PRKDC: variants seen among roughly 807,000 people sequenced by gnomAD.
The protein encoded by PRKDC is DNA-dependent protein kinase catalytic subunit.
PRKDC carries 82 observed loss-of-function variants against 486.9 expected under a neutral mutation model. The ratio of observed to expected loss-of-function variants is 0.17; its 90% CI spans 0.14 to 0.20. The LOEUF (loss-of-function observed/expected upper bound fraction) is 0.20. Ranked by LOEUF, PRKDC falls within the 10% of genes least tolerant of loss-of-function variation. PRKDC has a pLI of 1.00. For missense variants in PRKDC, 4,504 were observed against 5,038.2 expected, an observed-to-expected ratio of 0.89 and a Z score of 3.21; for synonymous variants, 1,895 against 1,837.0, an observed-to-expected ratio of 1.03 and a Z score of -0.81.
chr8:47,941,095 ACTCC>A lies in PRKDC; in HGVS notation c.967-1402_967-1399del, dbSNP rs1386484327. Among the ~76,000 whole-genome samples the A allele has an allele frequency of 1.1e-4, 17 of 151,218 alleles. No homozygotes were observed. In the East Asian group the frequency reaches 3.3e-3, roughly 29 times the overall value. On this transcript the variant is annotated intron_variant, in intron 10 of 85. Coordinates refer to ENST00000314191, the MANE Select transcript of PRKDC (RefSeq NM_006904.7). Reference sequence around the variant, plus strand: ...CAGTAACCCAAGCTTGCGCTACTGCACTCCAGCCTGGGTGACAGAGCAAAACTCC... The same window carrying A: ...CAGTAACCCAAGCTTGCGCTACTGCAAGCCTGGGTGACAGAGCAAAACTCC...
chr8:47,882,229 CA>C, intron 36 of PRKDC, 132 bp from the exon 37 acceptor site: 1 of 841,972 alleles, frequency 1.2e-6, no homozygotes, highest in South Asian at 1.9e-5. Flanking sequence ...TTATCTACTT[CA>C]AAACTCCTCG....
At chr8:47,936,284 G>T (rs1405807378) in intron 12 of PRKDC, 69 bp downstream of exon 12, 1 of 1,486,190 alleles carries the variant, frequency 6.7e-7, no homozygotes, top group Non-Finnish European at 9.1e-7. Flanking sequence ...TGTATTGTAT[G>T]ACTCCATCAA....
chr8:47,779,173 T>G, intron 80 of PRKDC, 80 bp from the exon 81 acceptor site: 1 of 1,056,776 alleles, frequency 9.5e-7, no homozygotes, highest in Non-Finnish European at 1.4e-6. Context: ...CACCAAGAAT[T>G]CATTGAAAAA....
At chr8:47,906,382 C>T (rs561645762) in intron 25 of PRKDC, among the ~76,000 whole-genome samples, 40 of 151,608 alleles carry the variant, frequency 2.6e-4, no homozygotes, top group African/African-American at 9.2e-4. Flanking sequence ...CGATGTAATC[C>T]CAGCACTTTG....
Position 47,944,048 on chromosome 8 carries a change from G to A in PRKDC, c.722-19C>T. On this transcript the variant is annotated intron_variant, in intron 7 of 85. Transcript: ENST00000314191. The stretch of plus-strand genomic sequence containing the variant: ...TGGGGATCTAGGGAAATACCAAGAA[G>A]CCTGTTACAAATCGTAATAACAGTA... 1 of 1,547,378 alleles carries A rather than the reference G, an allele frequency of 6.5e-7. No homozygotes were observed. The highest frequency in any genetic ancestry group is 8.8e-7 in the Non-Finnish European group (1 of 1,140,682).
intron 31 of PRKDC, among the ~76,000 whole-genome samples, chr8:47,891,216 G>C (rs1489220338): frequency 6.6e-6 from 1 of 152,150 alleles, no homozygotes. Context: ...CCTTTAGAGT[G>C]CCAAGGGACA....
In PRKDC at chr8:47,830,828, C is replaced by A; in HGVS notation, c.8266-92G>T. The A allele has an allele frequency of 2.0e-6, 3 of 1,521,300 alleles. No homozygotes were observed. In the Admixed American group the frequency reaches 5.1e-5, roughly 26 times the overall value. The allele number at this position is 1,521,300 out of a possible 1,614,324, so 94.2% of individuals were successfully genotyped here. ...TATGAGGCTGCCAGGATCCCCTGAA[C>A]CATGAGGGCGAAGTGGTGGGAACTG... is the stretch of plus-strand genomic sequence containing the variant. On this transcript the variant is annotated intron_variant, in intron 60 of 85. Coordinates refer to ENST00000314191, the MANE Select transcript of PRKDC (RefSeq NM_006904.7).
chr8:47,916,120 A>G (rs1043652653), intron 22 of PRKDC, among the ~76,000 whole-genome samples: 34 of 152,204 alleles, frequency 2.2e-4, no homozygotes, highest in African/African-American at 7.2e-4. Flanking sequence ...TATGCAAAAA[A>G]TCACATAAGC....
chr8:47,786,348 G>T (rs564738444), intron 76 of PRKDC, among the ~76,000 whole-genome samples: 1 of 152,168 alleles, frequency 6.6e-6, no homozygotes, highest in African/African-American at 2.4e-5. Flanking sequence ...GGAGGCGGAG[G>T]TTGCAGTGAG....
chr8:47,837,511 T>C (rs2088053989), intron 56 of PRKDC, 92 bp from the exon 57 acceptor site: 1 of 963,982 alleles, frequency 1.0e-6, no homozygotes. Flanking sequence ...AAGGCACAGC[T>C]CTTCACCCAC....
At chr8:47,928,903 G>C (rs2090202678) in intron 19 of PRKDC, among the ~76,000 whole-genome samples, 189 bp downstream of exon 19, 1 of 151,888 alleles carries the variant, frequency 6.6e-6, no homozygotes, top group African/African-American at 2.4e-5. Flanking sequence ...CATTGGTCAG[G>C]CTGGTCTCGA....
rs368614395 is a variant in PRKDC at position 47,957,270 on chromosome 8, T to A, written c.232-7A>T. ...CTTCTCTACATTCACGAAACTGTAA[T>A]GAAAGAGATACATATTGTAAATATG... On this transcript the variant is annotated splice_polypyrimidine_tract_variant and splice_region_variant and intron_variant, in intron 2 of 85. Transcript: ENST00000314191. The A allele has an allele frequency of 5.7e-6, 9 of 1,589,158 alleles. No individual in the cohort carries two copies. The African/African-American group carries it at 1.1e-4, about 19-fold the overall frequency.
intron 76 of PRKDC, among the ~76,000 whole-genome samples, chr8:47,786,170 T>C (rs912304829): frequency 5.9e-5 from 9 of 151,556 alleles, no homozygotes; most frequent in African/African-American, 1.9e-4. Flanking sequence ...CCCAGCACTT[T>C]GGGAGGCTGA....
intron 63 of PRKDC, among the ~76,000 whole-genome samples, chr8:47,824,520 C>T (rs986111703): frequency 2.8e-5 from 4 of 145,394 alleles, no homozygotes; most frequent in Non-Finnish European, 6.0e-5. Context: ...ATCAAAGGTT[C>T]ACAGTGTATA....
chr8:47,874,237 C>T (rs2089035956), intron 40 of PRKDC, among the ~76,000 whole-genome samples: 1 of 152,014 alleles, frequency 6.6e-6, no homozygotes, highest in African/African-American at 2.4e-5. Flanking sequence ...GCATGAGCCA[C>T]TGCGCCTAGC....
chr8:47,875,248 G>A (rs115925189), intron 40 of PRKDC, among the ~76,000 whole-genome samples: 163 of 152,174 alleles, frequency 1.1e-3, no homozygotes, highest in African/African-American at 3.2e-3. Context: ...AATATTTTTC[G>A]TAATATTCGC....
At chr8:47,826,332 A>G (rs552988320) in intron 63 of PRKDC, among the ~76,000 whole-genome samples, 1 of 152,372 alleles carries the variant, frequency 6.6e-6, no homozygotes, top group East Asian at 1.9e-4. Flanking sequence ...AGGAAATAAC[A>G]TAAAATATTA....
intron 47 of PRKDC, 74 bp downstream of exon 47, chr8:47,858,775 C>A (rs2088603605): frequency 1.3e-6 from 2 of 1,521,868 alleles, no homozygotes; most frequent in East Asian, 4.6e-5. Context: ...GTTTTGTTTT[C>A]AATATTAAAT....
In PRKDC at chr8:47,957,405, T is replaced by C; in HGVS notation, c.181A>G (p.Arg61Gly). 1.3e-6 allele frequency: 2 copies of C among 1,590,148 alleles called. No homozygotes were observed. Among genetic ancestry groups the C allele is most frequent in the South Asian group, 1.1e-5 (1 of 87,528 alleles). ...ACAAATACAAGCAAACCGAAATCTC[T>C]GGAAAAAACTAAAGATGTCTGTAAT... Reference protein sequence around the residue: ...LALQTSLVFSRDFGLLVFVRK... With the variant: ...LALQTSLVFSGDFGLLVFVRK... Residue 61 changes from arginine (R) to glycine (G), a missense_variant, in exon 2 of 86, where the codon AGA (arginine) becomes GGA (glycine). Coordinates refer to ENST00000314191, the MANE Select transcript of PRKDC (RefSeq NM_006904.7).
Sources: allele counts gnomAD v4.1 joint callset (sites outside exome capture counted in the v4.1 genomes callset), GRCh38; gene constraint gnomAD v4.1.1; transcripts MANE v1.5; gene names NCBI Gene and HGNC (gene_info 2026-07-23, HGNC 2026-07-21).